The following TYW1 variants were observed in gnomAD, a reference collection of about 807,000 sequenced individuals.
The protein encoded by TYW1 is tRNA-yW synthesizing protein 1 homolog.
Under a neutral mutation model 96.2 loss-of-function variants are expected in TYW1, and 46 were observed. The observed-to-expected ratio is 0.48, with a 90% CI of 0.38 to 0.61. TYW1 has a LOEUF of 0.61. Ranked by LOEUF, TYW1 falls within the 20% of genes least tolerant of loss-of-function variation. TYW1 has a pLI of 0.00. For missense variants in TYW1, 684 were observed against 909.6 expected (o/e 0.75, Z 3.19); for synonymous variants, 274 against 323.0 (o/e 0.85, Z 1.63).
At chr7:67,123,735 G>A (rs1797831088) in intron 13 of TYW1, among the ~76,000 whole-genome samples, 1 of 152,212 alleles carries the variant, frequency 6.6e-6, no homozygotes, top group Non-Finnish European at 1.5e-5. Context: ...AGCACATAGA[G>A]AATGAGTCTG....
chr7:67,027,782 T>C (rs984124258), intron 7 of TYW1, among the ~76,000 whole-genome samples: 1 of 150,726 alleles, frequency 6.6e-6, no homozygotes, highest in Non-Finnish European at 1.5e-5. Flanking sequence ...TACAAAAAAT[T>C]AGCCAGGTGT....
chr7:67,136,899 C>T (rs12531934), intron 13 of TYW1, among the ~76,000 whole-genome samples: 48,022 of 151,620 alleles, frequency 0.32, 8,180 homozygotes, highest in African/African-American at 0.45. Context: ...CTCGGCTCAC[C>T]GCAACCTCTG....
intron 3 of TYW1, among the ~76,000 whole-genome samples, chr7:67,000,996 A>C (rs1793366522): frequency 6.6e-6 from 1 of 152,064 alleles, no homozygotes; most frequent in Non-Finnish European, 1.5e-5. Flanking sequence ...GAAAAAAAGC[A>C]AAAAGGTGTC....
In TYW1 at chr7:67,154,005, G is replaced by C. The variant is rs1480412950; in HGVS notation, c.1699-29121G>C. 3.5e-5 allele frequency among the ~76,000 whole-genome samples: 5 copies of C among 144,242 alleles called. No individual in the cohort carries two copies. In the East Asian group the frequency reaches 1.0e-3, roughly 30 times the overall value. The allele number at this position is 144,242 out of a possible 152,430, so 94.6% of individuals were successfully genotyped here. ...CGCAGTGGCGTGACCTTAGCTTACT[G>C]CAAGTTCTGCCTCGTGGGTTCACAC... On this transcript the variant is annotated intron_variant, in intron 13 of 15. Coordinates refer to ENST00000359626, the MANE Select transcript of TYW1 (RefSeq NM_018264.4).
In TYW1 at chr7:66,998,083, G is replaced by A; in HGVS notation, c.23G>A (p.Trp8Ter). 6.2e-7 allele frequency: 1 copy of A among 1,600,546 alleles called. No homozygotes were observed. Among genetic ancestry groups the A allele is most frequent in the East Asian group, 2.2e-5 (1 of 44,622 alleles). The change falls in exon 2 of 16, where the codon TGG becomes TAG. Residue 8 changes from tryptophan (W) to a stop codon, truncating the protein, a stop_gained. Transcript: ENST00000359626. LOFTEE classifies it high-confidence loss of function. Reference protein sequence around the residue: MDPSADTWDLFSPLISLW... With the variant: MDPSADT Reference sequence around the variant, plus strand: ...AATTTAGATCCTTCTGCGGATACATGGGACCTCTTCTCACCTTTAATATCA... The same window carrying A: ...AATTTAGATCCTTCTGCGGATACATAGGACCTCTTCTCACCTTTAATATCA...
At position 67,009,454 on chromosome 7, in the gene TYW1, A is replaced by T. The variant is rs899993173; in HGVS notation, c.274-129A>T. 4 of 742,328 alleles carry T rather than the reference A, an allele frequency of 5.4e-6. No individual in the cohort carries two copies. The African/African-American group carries it at 7.2e-5, about 13-fold the overall frequency. 46.0% of individuals were successfully genotyped at this position (742,328 alleles called of 1,614,324 possible). A position where few individuals can be genotyped will look rare whatever the true frequency, so the allele number is the denominator to read the frequency against. ...AAGAGTGAGGATAGAATTTGTGTTC[A>T]TGAAGATACATATCAGTCACTGAAA... On this transcript the variant is annotated intron_variant, in intron 3 of 15. Coordinates refer to ENST00000359626, the MANE Select transcript of TYW1 (RefSeq NM_018264.4).
intron 3 of TYW1, among the ~76,000 whole-genome samples, chr7:67,002,906 T>C (rs989179538): frequency 6.7e-5 from 10 of 149,068 alleles, no homozygotes; most frequent in Non-Finnish European, 1.2e-4. Flanking sequence ...CAGGCTGGAG[T>C]GCAGTGGCAT....
intron 12 of TYW1, among the ~76,000 whole-genome samples, chr7:67,108,443 C>CTTT (rs11433479): frequency 3.0e-5 from 4 of 134,776 alleles, no homozygotes; most frequent in South Asian, 2.4e-4. Context: ...CAGATTTTTT[C>CTTT]TTTTTTTTTT....
intron 11 of TYW1, among the ~76,000 whole-genome samples, chr7:67,097,185 G>A (rs868254398): frequency 1.1e-4 from 16 of 152,022 alleles, no homozygotes; most frequent in East Asian, 5.8e-4. Context: ...AGAGATTGGC[G>A]TTTAGTTGAT....
intron 11 of TYW1, among the ~76,000 whole-genome samples, chr7:67,091,056 A>G (rs1324984172): frequency 3.9e-5 from 6 of 152,188 alleles, no homozygotes; most frequent in Non-Finnish European, 8.8e-5. Flanking sequence ...CAGCCATCCC[A>G]TTACTGGGTG....
At chr7:67,051,479 G>A (rs1274605392) in intron 8 of TYW1, among the ~76,000 whole-genome samples, 2 of 151,866 alleles carry the variant, frequency 1.3e-5, no homozygotes, top group Admixed American at 6.6e-5. Flanking sequence ...AGTGTTTTAC[G>A]TATGCTCTAA....
At chr7:67,102,569 TGA>T (rs1797116809) in intron 12 of TYW1, among the ~76,000 whole-genome samples, 1 of 151,866 alleles carries the variant, frequency 6.6e-6, no homozygotes, top group Non-Finnish European at 1.5e-5. Flanking sequence ...ATCCTGAAAA[TGA>T]GAGTTTAAAA....
intron 13 of TYW1, among the ~76,000 whole-genome samples, chr7:67,130,047 C>CT (rs199782990): frequency 0.054 from 7,951 of 146,556 alleles, 274 homozygotes; most frequent in East Asian, 0.11. Flanking sequence ...TTGATTTCTA[C>CT]TTTTTTTTTT....
chr7:67,215,915 G>T (rs1052140172), intron 15 of TYW1, among the ~76,000 whole-genome samples: 2 of 152,126 alleles, frequency 1.3e-5, no homozygotes, highest in African/African-American at 4.8e-5. Context: ...CACATTAAGG[G>T]TGGGTCTGCC....
chr7:67,117,438 A>G lies in TYW1; in HGVS notation c.1563-45A>G, dbSNP rs760576604. ...GGTTTTATATCATGGAAAGCCTGAT[A>G]GAGGAATAATTTTTCTTTCTTCTTT... On this transcript the variant is annotated intron_variant, in intron 12 of 15. Coordinates refer to ENST00000359626, the MANE Select transcript of TYW1 (RefSeq NM_018264.4). 3 of 1,582,762 alleles carry G rather than the reference A, an allele frequency of 1.9e-6. No homozygotes were observed. In the Admixed American group the frequency reaches 5.7e-5, roughly 30 times the overall value.
intron 12 of TYW1, among the ~76,000 whole-genome samples, chr7:67,108,927 A>G (rs1388275482): frequency 1.3e-5 from 2 of 152,220 alleles, no homozygotes; most frequent in Non-Finnish European, 2.9e-5. Context: ...AATTTAAGCA[A>G]CACACTTCTT....
intron 10 of TYW1, among the ~76,000 whole-genome samples, chr7:67,075,261 T>G (rs1430606462): frequency 6.6e-6 from 1 of 152,184 alleles, no homozygotes; most frequent in East Asian, 1.9e-4. Context: ...TAAAATTTTA[T>G]TTTAAGGTTT....
chr7:67,141,712 G>T (rs1471577740), intron 13 of TYW1, among the ~76,000 whole-genome samples: 2 of 152,196 alleles, frequency 1.3e-5, no homozygotes, highest in Non-Finnish European at 2.9e-5. Context: ...GTAAAGTGGG[G>T]TTAAGAGTAC....
chr7:67,203,189 C>T (rs6967876), intron 15 of TYW1, among the ~76,000 whole-genome samples: 38,237 of 152,136 alleles, frequency 0.25, 4,993 homozygotes, highest in African/African-American at 0.3. Context: ...TCTGTAGTTT[C>T]CTCATTGGAA....
Sources: gnomAD v4.1 joint callset for allele counts (sites outside exome capture counted in the v4.1 genomes callset) on GRCh38, gnomAD v4.1.1 for gene constraint, MANE v1.5 for transcripts, NCBI Gene and HGNC (gene_info 2026-07-23, HGNC 2026-07-21) for gene names.